Variants in TNS3 observed in about 807,000 individuals in gnomAD.
TNS3 encodes the protein tensin 3.
In TNS3, 45 loss-of-function variants were observed where a neutral mutation model predicts 140.9. The observed-to-expected ratio is 0.32, with a 90% CI of 0.25 to 0.41. TNS3 has a LOEUF of 0.41. Ranked by LOEUF, TNS3 falls within the 10% of genes least tolerant of loss-of-function variation. The pLI is 1.00. For synonymous variants in TNS3, 815 were observed against 788.4 expected (o/e 1.03, Z -0.56); for missense variants, 1,716 against 1,906.7 (o/e 0.90, Z 1.86).
intron 16 of TNS3, among the ~76,000 whole-genome samples, chr7:47,371,877 T>C (rs977788886): frequency 6.6e-6 from 1 of 152,236 alleles, no homozygotes; most frequent in Non-Finnish European, 1.5e-5. Context: ...TACCAACTGG[T>C]GCATTCACCT....
At chr7:47,283,249 T>G (rs1322765856) in intron 28 of TNS3, among the ~76,000 whole-genome samples, 1 of 152,194 alleles carries the variant, frequency 6.6e-6, no homozygotes, top group Non-Finnish European at 1.5e-5. Flanking sequence ...AGCTCAGGCG[T>G]AAGTCATTTG....
intron 20 of TNS3, among the ~76,000 whole-genome samples, chr7:47,325,056 C>T (rs1283697136): frequency 6.6e-6 from 1 of 152,004 alleles, no homozygotes; most frequent in Non-Finnish European, 1.5e-5. Flanking sequence ...GAGGAGTCAG[C>T]TTGGAAGCAT....
At chr7:47,524,886 G>A (rs1170005640) in intron 2 of TNS3, among the ~76,000 whole-genome samples, 1 of 151,440 alleles carries the variant, frequency 6.6e-6, no homozygotes, top group Non-Finnish European at 1.5e-5. Context: ...AGCTGTAGGG[G>A]AGGAGGAGGT....
At chr7:47,572,294 G>A (rs1297716817) in intron 1 of TNS3, among the ~76,000 whole-genome samples, 2 of 152,192 alleles carry the variant, frequency 1.3e-5, no homozygotes, top group East Asian at 3.9e-4. Flanking sequence ...CAACGGCAAC[G>A]CCTAGGTCGG....
chr7:47,385,024 T>C (rs537627661), intron 16 of TNS3, among the ~76,000 whole-genome samples: 2 of 152,326 alleles, frequency 1.3e-5, no homozygotes, highest in Non-Finnish European at 2.9e-5. Flanking sequence ...CTCCCCAGAC[T>C]GTTGTCCACT....
At chr7:47,506,125 C>T (rs922903918) in intron 3 of TNS3, among the ~76,000 whole-genome samples, 1 of 152,202 alleles carries the variant, frequency 6.6e-6, no homozygotes, top group Middle Eastern at 3.2e-3. Context: ...CCTACAGAGC[C>T]CCCATAGGCA....
chr7:47,534,303 G>A (rs1799524626), intron 1 of TNS3, among the ~76,000 whole-genome samples: 1 of 151,780 alleles, frequency 6.6e-6, no homozygotes, highest in Non-Finnish European at 1.5e-5. Flanking sequence ...ATAAAGTAGG[G>A]GAAAGAGTCC....
intron 1 of TNS3, among the ~76,000 whole-genome samples, chr7:47,570,986 T>G (rs946895672): frequency 6.6e-6 from 1 of 152,028 alleles, no homozygotes; most frequent in African/African-American, 2.4e-5. Context: ...AGGCCTCTGG[T>G]AGTCAGCGTC....
intron 20 of TNS3, among the ~76,000 whole-genome samples, chr7:47,314,562 G>C (rs1037434463): frequency 3.3e-5 from 5 of 152,212 alleles, no homozygotes; most frequent in African/African-American, 1.2e-4. Flanking sequence ...TTCTAGAAAT[G>C]TGGCTCACCA....
intron 20 of TNS3, among the ~76,000 whole-genome samples, chr7:47,323,259 C>A (rs1234167401): frequency 6.6e-6 from 1 of 152,216 alleles, no homozygotes; most frequent in East Asian, 1.9e-4. Context: ...TGAGAATCCA[C>A]CTATCTTCGA....
At chr7:47,329,735 G>A (rs1454845291) in intron 20 of TNS3, among the ~76,000 whole-genome samples, 2 of 152,164 alleles carry the variant, frequency 1.3e-5, no homozygotes, top group East Asian at 3.9e-4. Context: ...CAAGCAGAGA[G>A]GAAGGCGGCA....
intron 4 of TNS3, among the ~76,000 whole-genome samples, chr7:47,468,029 C>T (rs944434325): frequency 6.6e-6 from 1 of 152,078 alleles, no homozygotes; most frequent in Non-Finnish European, 1.5e-5. Context: ...GCCAACTTCT[C>T]TCCAACTGCA....
At chr7:47,477,915 G>T (rs1797254745) in intron 4 of TNS3, among the ~76,000 whole-genome samples, 4 of 152,202 alleles carry the variant, frequency 2.6e-5, no homozygotes, top group Admixed American at 2.0e-4. Flanking sequence ...GAGTGCTCAG[G>T]CTGGGCTGGG....
chr7:47,488,404 T>C (rs987400523), intron 3 of TNS3, among the ~76,000 whole-genome samples: 4 of 151,818 alleles, frequency 2.6e-5, no homozygotes, highest in African/African-American at 9.7e-5. Context: ...TATCCTCCCA[T>C]AGTCCTGGAG....
chr7:47,389,083 AGAGGAAGAG>A lies in TNS3; in HGVS notation c.1024+7708_1024+7716del, dbSNP rs1562675300. The stretch of plus-strand genomic sequence containing the variant: ...AAGAAGAAGAAGAAGAAGAAGAAGA[AGAGGAAGAG>A]GAAGAGGAAGCGGAAGCAGAAGAAG... On this transcript the variant is annotated intron_variant, in intron 16 of 30. Coordinates refer to ENST00000311160, the MANE Select transcript of TNS3 (RefSeq NM_022748.12). 9.8e-5 allele frequency among the ~76,000 whole-genome samples: 7 copies of A among 71,628 alleles called. No individual in the cohort carries two copies. The East Asian group carries it at 3.0e-3, about 31-fold the overall frequency. 47.0% of individuals were successfully genotyped at this position (71,628 alleles called of 152,430 possible).
intron 3 of TNS3, among the ~76,000 whole-genome samples, chr7:47,493,712 C>G (rs1349227755): frequency 4.0e-5 from 6 of 151,310 alleles, no homozygotes; most frequent in African/African-American, 1.5e-4. Context: ...CCTGTAGTCC[C>G]AGCTACTTGG....
At position 47,490,118 on chromosome 7, in the gene TNS3, T is replaced by A. The variant is rs187514557; in HGVS notation, c.-114-8977A>T. 2.3e-3 allele frequency among the ~76,000 whole-genome samples: 354 copies of A among 152,296 alleles called. 1 individual carries two copies. The highest frequency in any genetic ancestry group is 2.7e-3 in the Non-Finnish European group (185 of 68,020). ...AAGGTAGTATTGAGTTGATGAACCG[T>A]CTTTTTATTAGAGCATTATAATGCC... On this transcript the variant is annotated intron_variant, in intron 3 of 30. Coordinates refer to ENST00000311160, the MANE Select transcript of TNS3 (RefSeq NM_022748.12).
At position 47,396,825 on chromosome 7, in the gene TNS3, G is replaced by C; in HGVS notation, c.999C>G (p.Tyr333Ter). ...CTTCTCCATCTGCACTGAGGTTCTC[G>C]TACGAGTCCCAGCGTATCAGTGGGT... The part of the protein sequence containing the change: ...TTDPLIRWDS[Y>*]ENLSADGEVL... The change falls in exon 16 of 31, where the codon TAC becomes TAG. Residue 333 changes from tyrosine to a stop codon, truncating the protein, a stop_gained. Transcript: ENST00000311160. LOFTEE classifies it high-confidence loss of function. 6.2e-7 allele frequency: 1 copy of C among 1,614,056 alleles called. No individual in the cohort carries two copies. Among genetic ancestry groups the C allele is most frequent in the Non-Finnish European group, 8.5e-7 (1 of 1,179,940 alleles).
intron 1 of TNS3, among the ~76,000 whole-genome samples, chr7:47,532,240 C>T (rs1299966408): frequency 6.6e-6 from 1 of 152,140 alleles, no homozygotes; most frequent in Non-Finnish European, 1.5e-5. Flanking sequence ...CTCAGTAAGG[C>T]CCCACCTTCA....
Sources: allele counts gnomAD v4.1 joint callset (sites outside exome capture counted in the v4.1 genomes callset), GRCh38; gene constraint gnomAD v4.1.1; transcripts MANE v1.5; gene names NCBI Gene and HGNC (gene_info 2026-07-23, HGNC 2026-07-21).